LRP1B: variants seen among roughly 807,000 people sequenced by gnomAD.
The protein encoded by LRP1B is low-density lipoprotein receptor-related protein 1B.
In LRP1B, 217 loss-of-function variants were observed where a neutral mutation model predicts 556.6. That is an observed-to-expected ratio of 0.39 (90% confidence interval 0.35 to 0.44). The LOEUF is 0.44. Among genes scored for constraint, LRP1B ranks in the 20% least tolerant of loss-of-function variants. The pLI, the probability that LRP1B is intolerant of heterozygous loss-of-function variation, is 1.00. For missense variants in LRP1B, 5,053 were observed against 5,620.8 expected (o/e 0.90, Z 3.23); for synonymous variants, 2,047 against 1,865.8 (o/e 1.10, Z -2.50).
intron 1 of LRP1B, among the ~76,000 whole-genome samples, chr2:142,109,978 C>T (rs1430424340): frequency 2.0e-5 from 3 of 152,060 alleles, no homozygotes; most frequent in Non-Finnish European, 2.9e-5. Flanking sequence ...TTTTCAAAAG[C>T]TGTATAGAAT....
At chr2:140,866,661 GC>G (rs1692962026) in intron 27 of LRP1B, among the ~76,000 whole-genome samples, 1 of 152,054 alleles carries the variant, frequency 6.6e-6, no homozygotes, top group South Asian at 2.1e-4. Flanking sequence ...AGAAAATTTT[GC>G]AGATGAGATT....
intron 2 of LRP1B, among the ~76,000 whole-genome samples, chr2:141,650,749 T>C (rs919822964): frequency 1.1e-4 from 16 of 152,166 alleles, no homozygotes; most frequent in African/African-American, 3.4e-4. Context: ...GTGAATCAGT[T>C]TGAAAAAAAG....
intron 7 of LRP1B, among the ~76,000 whole-genome samples, chr2:141,093,984 T>C (rs1212001567): frequency 6.6e-6 from 1 of 152,168 alleles, no homozygotes; most frequent in East Asian, 1.9e-4. Flanking sequence ...CCCAAAATGC[T>C]GGGATTACAG....
chr2:140,711,097 C>T (rs928941200), intron 37 of LRP1B, among the ~76,000 whole-genome samples: 2 of 151,922 alleles, frequency 1.3e-5, no homozygotes, highest in Admixed American at 1.3e-4. Context: ...GTAGAGAAGT[C>T]GTTTTAAGGA....
In LRP1B at chr2:141,722,729, CATAGATAGATAGATAGATAG is replaced by C. The variant is rs58081113; in HGVS notation, c.205+87530_205+87549del. Among the ~76,000 whole-genome samples, 4 of 145,978 alleles carry C rather than the reference CATAGATAGATAGATAGATAG, an allele frequency of 2.7e-5. No individual in the cohort carries two copies. The East Asian group carries it at 6.2e-4, about 22-fold the overall frequency. On this transcript the variant is annotated intron_variant, in intron 2 of 90. Coordinates refer to ENST00000389484, the MANE Select transcript of LRP1B (RefSeq NM_018557.3). ...AGACAGATAGACAGGCAGATAGATA[CATAGATAGATAGATAGATAG>C]ATAGATAGATAGATAGATAGATAGA... is the stretch of plus-strand genomic sequence containing the variant.
At chr2:141,258,487 A>G (rs1353480513) in intron 3 of LRP1B, among the ~76,000 whole-genome samples, 2 of 152,126 alleles carry the variant, frequency 1.3e-5, no homozygotes, top group African/African-American at 4.8e-5. Context: ...ATAAATAAAT[A>G]AAAAGAGAGA....
chr2:140,507,337 T>C (rs184523506), intron 52 of LRP1B, among the ~76,000 whole-genome samples: 1 of 152,130 alleles, frequency 6.6e-6, no homozygotes, highest in Admixed American at 6.5e-5. Context: ...AAAAATAGAC[T>C]GGTAAAGAGC....
chr2:140,839,334 A>C (rs540044024), intron 31 of LRP1B, among the ~76,000 whole-genome samples: 23 of 152,286 alleles, frequency 1.5e-4, no homozygotes, highest in African/African-American at 5.5e-4. Flanking sequence ...ACTTGTTTGG[A>C]TTGCAGGATG....
At chr2:140,684,350 ACTAAATTAAT>A (rs1181130323) in intron 41 of LRP1B, among the ~76,000 whole-genome samples, 1 of 152,186 alleles carries the variant, frequency 6.6e-6, no homozygotes, top group Non-Finnish European at 1.5e-5. Context: ...TCGAATGGTG[ACTAAATTAAT>A]CTAATTTGTC....
Position 140,482,162 on chromosome 2 carries a change from G to A in LRP1B, c.9425+3181C>T, listed in dbSNP as rs569355412. ...GGGACCATGCATTTTATTTTAGAGT[G>A]TAACATACTTGAAGACGAGGGACCA... is the stretch of plus-strand genomic sequence containing the variant. On this transcript the variant is annotated intron_variant, in intron 59 of 90. Coordinates refer to ENST00000389484, the MANE Select transcript of LRP1B (RefSeq NM_018557.3). Among the ~76,000 whole-genome samples, 11 of 123,366 alleles carry A rather than the reference G, an allele frequency of 8.9e-5. No homozygotes were observed. The East Asian group carries it at 3.9e-3, about 43-fold the overall frequency. The allele number at this position is 123,366 out of a possible 152,430, so 80.9% of individuals were successfully genotyped here. A position where few individuals can be genotyped will look rare whatever the true frequency, so the allele number is the denominator to read the frequency against.
intron 32 of LRP1B, among the ~76,000 whole-genome samples, chr2:140,808,446 C>T (rs183252299): frequency 1.3e-5 from 2 of 152,284 alleles, no homozygotes; most frequent in Admixed American, 6.5e-5. Flanking sequence ...TCAATCTTCT[C>T]TCACTGTCTC....
intron 6 of LRP1B, among the ~76,000 whole-genome samples, chr2:141,226,544 G>A (rs1030866178): frequency 5.3e-5 from 8 of 152,074 alleles, no homozygotes; most frequent in African/African-American, 1.9e-4. Context: ...AAAAAAGCAT[G>A]TTCTCTTCAG....
intron 1 of LRP1B, among the ~76,000 whole-genome samples, chr2:141,813,192 TATC>T (rs1696415009): frequency 6.6e-6 from 1 of 152,174 alleles, no homozygotes; most frequent in East Asian, 1.9e-4. Flanking sequence ...GAATTCCTGT[TATC>T]ATGGATCTTA....
intron 2 of LRP1B, among the ~76,000 whole-genome samples, chr2:141,547,052 A>G (rs1685580716): frequency 6.6e-6 from 1 of 152,134 alleles, no homozygotes; most frequent in Non-Finnish European, 1.5e-5. Flanking sequence ...TTGTTGTCTA[A>G]GCTGGAATTT....
chr2:141,803,135 G>C (rs1335020399), intron 2 of LRP1B, among the ~76,000 whole-genome samples: 1 of 151,550 alleles, frequency 6.6e-6, no homozygotes, highest in Non-Finnish European at 1.5e-5. Flanking sequence ...GACTTCTTGA[G>C]TGAAAAGGTG....
At chr2:141,920,240 G>T (rs1238123114) in intron 1 of LRP1B, among the ~76,000 whole-genome samples, 1 of 140,966 alleles carries the variant, frequency 7.1e-6, no homozygotes, top group Non-Finnish European at 1.5e-5. Flanking sequence ...ACATTGCCAG[G>T]ATGGTGATCT....
intron 20 of LRP1B, among the ~76,000 whole-genome samples, chr2:140,941,275 C>T (rs1251748232): frequency 6.6e-6 from 1 of 152,106 alleles, no homozygotes; most frequent in Non-Finnish European, 1.5e-5. Context: ...AGACATCTGA[C>T]TAGACCCAGC....
intron 31 of LRP1B, among the ~76,000 whole-genome samples, chr2:140,838,323 A>G (rs181469664): frequency 1.6e-3 from 239 of 152,124 alleles, no homozygotes; most frequent in Non-Finnish European, 2.9e-3. Context: ...ATCTTGTAGA[A>G]CCCCTTGTTT....
intron 59 of LRP1B, among the ~76,000 whole-genome samples, chr2:140,482,996 A>AT (rs1688304793): frequency 6.6e-6 from 1 of 152,096 alleles, no homozygotes; most frequent in African/African-American, 2.4e-5. Flanking sequence ...CAGTTATGGC[A>AT]TTTTCACCCT....
Sources: gnomAD v4.1 joint callset for allele counts (sites outside exome capture counted in the v4.1 genomes callset) on GRCh38, gnomAD v4.1.1 for gene constraint, MANE v1.5 for transcripts, NCBI Gene and HGNC (gene_info 2026-07-23, HGNC 2026-07-21) for gene names.